Variants in TLE6 observed in about 807,000 individuals in gnomAD.
TLE6 encodes the protein TLE family member 6, subcortical maternal complex member.
TLE6 carries 72 observed loss-of-function variants against 77.1 expected under a neutral mutation model. The ratio of observed to expected loss-of-function variants is 0.93; its 90% CI spans 0.77 to 1.14. The LOEUF is 1.14. TLE6 is among the 50% of genes most tolerant of loss of function. TLE6 has a pLI of 0.00. For synonymous variants in TLE6, 366 were observed against 287.3 expected (o/e 1.27, Z -2.77); for missense variants, 843 against 747.6 (o/e 1.13, Z -1.49).
At chr19:2,978,385 C>G in intron 2 of TLE6, 101 bp downstream of exon 2, 1 of 1,213,590 alleles carries the variant, frequency 8.2e-7, no homozygotes, top group Admixed American at 2.0e-5. Flanking sequence ...CCGCCCAGGC[C>G]TCGCAGCTGA....
At chr19:2,978,346 C>A in intron 2 of TLE6, 62 bp downstream of exon 2, 1 of 1,517,948 alleles carries the variant, frequency 6.6e-7, no homozygotes, top group Non-Finnish European at 8.9e-7. Context: ...GTGGTTCTGC[C>A]CCTTTTCCAC....
chr19:2,978,471 T>C (rs948748833), intron 2 of TLE6, among the ~76,000 whole-genome samples, 187 bp downstream of exon 2: 3 of 152,134 alleles, frequency 2.0e-5, no homozygotes, highest in Non-Finnish European at 4.4e-5. Flanking sequence ...AAGTGTAGGC[T>C]GGACACTGTG....
chr19:2,978,346 C>T (rs2088722120), intron 2 of TLE6, 62 bp downstream of exon 2: 1 of 1,517,830 alleles, frequency 6.6e-7, no homozygotes, highest in African/African-American at 1.4e-5. Flanking sequence ...GTGGTTCTGC[C>T]CCTTTTCCAC....
Position 2,978,409 on chromosome 19 carries a change from C to T in TLE6, c.51+125C>T, listed in dbSNP as rs975842697. On this transcript the variant is annotated intron_variant, in intron 2 of 16. Transcript: ENST00000246112. ...CCTCGCAGCTGAAGACAATACTGGT[C>T]GCTGCTACACTCAAGACAGGTGCCA... is the stretch of plus-strand genomic sequence containing the variant. 42 of 897,198 alleles carry T rather than the reference C, an allele frequency of 4.7e-5. No homozygotes were observed. In the Middle Eastern group the frequency reaches 1.3e-3, roughly 29 times the overall value. 55.6% of individuals were successfully genotyped at this position (897,198 alleles called of 1,614,324 possible).
intron 13 of TLE6, among the ~76,000 whole-genome samples, chr19:2,990,385 C>G (rs771692886): frequency 6.6e-6 from 1 of 151,040 alleles, no homozygotes; most frequent in Non-Finnish European, 1.5e-5. Flanking sequence ...GGCAGATCCA[C>G]GAGGTCAGGA....
intron 15 of TLE6, 146 bp from the exon 16 acceptor site, chr19:2,993,873 T>C (rs1227960290): frequency 3.0e-6 from 2 of 674,534 alleles, no homozygotes; most frequent in African/African-American, 2.3e-5. Flanking sequence ...ACTGTGATCA[T>C]ACCACTGACT....
chr19:2,981,707 A>G, intron 4 of TLE6, 124 bp downstream of exon 4: 1 of 1,060,212 alleles, frequency 9.4e-7, no homozygotes, highest in East Asian at 2.6e-5. Context: ...ACTGTGCCTC[A>G]CGCCTGTAAT....
rs1599176136 is a variant in TLE6 at position 2,994,088 on chromosome 19, T to C, written c.1607T>C (p.Val536Ala). ...TACAGCATGCCGGCGGGGACAAAAG[T>C]GTTCGAGGTACTGCGGTGGGCTGGG... is the stretch of plus-strand genomic sequence containing the variant. Reference protein sequence around the residue: ...GVYSMPAGTKVFEVPEMSPVT... With the variant: ...GVYSMPAGTKAFEVPEMSPVT... The change falls in exon 16 of 17, where the codon GTG (valine) becomes GCG (alanine). Residue 536 changes from valine (V) to alanine (A), a missense_variant. Val to Ala is a moderately conservative substitution (Grantham distance 64). Coordinates refer to ENST00000246112, the MANE Select transcript of TLE6 (RefSeq NM_001143986.2). The C allele has an allele frequency of 6.3e-7, 1 of 1,593,536 alleles. No individual in the cohort carries two copies. The highest frequency in any genetic ancestry group is 8.5e-7 in the Non-Finnish European group (1 of 1,172,602).
chr19:2,978,481 G>A (rs1453679869), intron 2 of TLE6, among the ~76,000 whole-genome samples, 197 bp downstream of exon 2: 2 of 152,146 alleles, frequency 1.3e-5, no homozygotes, highest in African/African-American at 2.4e-5. Context: ...TGGACACTGT[G>A]GCTCACAACT....
At chr19:2,992,520 C>T (rs2089092829) in intron 14 of TLE6, among the ~76,000 whole-genome samples, 1 of 151,672 alleles carries the variant, frequency 6.6e-6, no homozygotes, top group Non-Finnish European at 1.5e-5. Context: ...CCTGCAATCC[C>T]ACCACTTTGG....
chr19:2,980,677 C>T (rs1360634838), intron 3 of TLE6, among the ~76,000 whole-genome samples: 1 of 148,450 alleles, frequency 6.7e-6, no homozygotes, highest in Admixed American at 6.9e-5. Context: ...CGGAGGGTTG[C>T]AGTGAGCCAG....
intron 3 of TLE6, 112 bp from the exon 4 acceptor site, chr19:2,981,426 C>T: frequency 8.6e-7 from 1 of 1,160,792 alleles, no homozygotes; most frequent in Non-Finnish European, 1.2e-6. Flanking sequence ...GCTTCTGGAG[C>T]CAGTGCCTTC....
At chr19:2,991,294 G>A (rs1223456776) in intron 13 of TLE6, among the ~76,000 whole-genome samples, 1 of 149,496 alleles carries the variant, frequency 6.7e-6, no homozygotes, top group Non-Finnish European at 1.5e-5. Flanking sequence ...AGGAGGCAGA[G>A]GTTGCAGTGA....
chr19:2,981,185 ACT>A (rs2088790534), intron 3 of TLE6, among the ~76,000 whole-genome samples: 1 of 151,478 alleles, frequency 6.6e-6, no homozygotes, highest in Non-Finnish European at 1.5e-5. Context: ...ATGGTGAAAC[ACT>A]GTTTCTATTA....
intron 5 of TLE6, among the ~76,000 whole-genome samples, chr19:2,982,784 G>A (rs1013890609): frequency 6.6e-6 from 1 of 152,122 alleles, no homozygotes; most frequent in African/African-American, 2.4e-5. Context: ...GAGAGGGTCA[G>A]TCCTGCTCCT....
intron 16 of TLE6, among the ~76,000 whole-genome samples, chr19:2,994,426 C>A (rs1019170705): frequency 2.0e-5 from 3 of 151,996 alleles, no homozygotes; most frequent in African/African-American, 7.3e-5. Flanking sequence ...CTGGCTAACA[C>A]GGTGAATCCC....
intron 8 of TLE6, 51 bp from the exon 9 acceptor site, chr19:2,987,673 T>TG: frequency 6.2e-7 from 1 of 1,603,416 alleles, no homozygotes; most frequent in Non-Finnish European, 8.5e-7. Context: ...CGAGGTCTTC[T>TG]GGTCCTAACA....
At chr19:2,990,468 G>T (rs986822398) in intron 13 of TLE6, among the ~76,000 whole-genome samples, 1 of 150,704 alleles carries the variant, frequency 6.6e-6, no homozygotes, top group Non-Finnish European at 1.5e-5. Context: ...GCCAGGCGCG[G>T]TGGTGGGTAC....
chr19:2,991,675 G>A (rs1479694941), intron 13 of TLE6, among the ~76,000 whole-genome samples, 168 bp from the exon 14 acceptor site: 5 of 150,310 alleles, frequency 3.3e-5, no homozygotes, highest in Admixed American at 1.4e-4. Flanking sequence ...GGGAGGGGCC[G>A]GCACTAGATC....
Sources: gnomAD v4.1 joint callset for allele counts (sites outside exome capture counted in the v4.1 genomes callset) on GRCh38, gnomAD v4.1.1 for gene constraint, MANE v1.5 for transcripts, NCBI Gene and HGNC (gene_info 2026-07-23, HGNC 2026-07-21) for gene names.